BRD4: variants seen among roughly 807,000 people sequenced by gnomAD.
The protein encoded by BRD4 is bromodomain-containing protein 4.
In BRD4, 16 loss-of-function variants were observed where a neutral mutation model predicts 142.1. The observed-to-expected ratio is 0.11, with a 90% confidence interval of 0.08 to 0.17. The LOEUF is 0.17. Among genes scored for constraint, BRD4 ranks in the 10% least tolerant of loss-of-function variants. The probability of loss-of-function intolerance (pLI) is 1.00; values close to 1 mark genes in which losing one functional copy is unlikely to be tolerated. For missense variants in BRD4, 1,424 were observed against 1,810.9 expected (o/e 0.79, Z 3.88); for synonymous variants, 833 against 707.5 (o/e 1.18, Z -2.82).
At chr19:15,244,102 A>AT in intron 13 of BRD4, 129 bp downstream of exon 13, 10 of 1,501,372 alleles carry the variant, frequency 6.7e-6, no homozygotes, top group Admixed American at 2.2e-5. Context: ...TCGAGAAGCC[A>AT]CAGATCTTCC....
At chr19:15,289,290 G>A (rs1568399521) in intron 1 of BRD4, among the ~76,000 whole-genome samples, 2 of 152,180 alleles carry the variant, frequency 1.3e-5, no homozygotes, top group South Asian at 4.1e-4. Context: ...GGTGGCTCAC[G>A]CCTATAATCC....
At chr19:15,257,756 G>C (rs1260343406) in intron 7 of BRD4, among the ~76,000 whole-genome samples, 1 of 152,162 alleles carries the variant, frequency 6.6e-6, no homozygotes, top group Non-Finnish European at 1.5e-5. Flanking sequence ...AACCAAGCAG[G>C]GCTGCACCAC....
At chr19:15,302,452 C>T (rs1029887225) in intron 1 of BRD4, among the ~76,000 whole-genome samples, 1 of 151,862 alleles carries the variant, frequency 6.6e-6, no homozygotes, top group African/African-American at 2.4e-5. Context: ...CGGTGGCTCA[C>T]GAGGTCAACA....
rs916929419 is a variant in BRD4, at chr19:15,238,918, C to A, written c.3845G>T (p.Arg1282Leu). Reference sequence around the variant, plus strand: ...GCGCTGCTGCTGCTGCTGCTCCTGGCGCCGACGTGCCTCCTCATGGGCCCG... The same window carrying A: ...GCGCTGCTGCTGCTGCTGCTCCTGGAGCCGACGTGCCTCCTCATGGGCCCG... ...ARRAHEEARR[R>L]QEQQQQQRQE... The change falls in exon 19 of 20, where the codon CGC (arginine) becomes CTC (leucine). Residue 1282 changes from arginine (R) to leucine (L), a missense_variant. By Grantham distance (102) the Arg-to-Leu change is moderately radical. Around this residue, in one of 16 missense-constraint regions of BRD4, gnomAD observed 109 missense variants for 117.9 expected, o/e 0.92. Coordinates refer to ENST00000679869, the MANE Select transcript of BRD4 (RefSeq NM_001379291.1). This position sits in a 1 kb window ranked among gnomAD's most constrained non-coding sequence, Gnocchi z 7.2. 1.9e-6 allele frequency: 3 copies of A among 1,595,376 alleles called. No homozygotes were observed. Among genetic ancestry groups the A allele is most frequent in the Non-Finnish European group, 2.6e-6 (3 of 1,173,012 alleles).
rs534374230 is a variant in BRD4 at position 15,265,488 on chromosome 19, T to C, written c.715A>G (p.Met239Val). The C allele has an allele frequency of 5.0e-6, 8 of 1,610,696 alleles. No individual in the cohort carries two copies. Among genetic ancestry groups the C allele is most frequent in the Admixed American group, 1.7e-5 (1 of 59,804 alleles). The change falls in exon 5 of 20, where the codon ATG becomes GTG. Residue 239 changes from methionine to valine, a missense_variant. Met to Val is a conservative substitution (Grantham distance 21). Around this residue, in one of 16 missense-constraint regions of BRD4, gnomAD observed 140 missense variants for 131.7 expected, o/e 1.06. Transcript: ENST00000679869. ...TPDLIVQTPV[M>V]TVVPPQPLQT... ...AGTGGCTGGGGAGGCACCACTGTCATGACAGGGGTCTGGACGATGAGGTCC... is the reference window on the plus strand; with the variant it reads ...AGTGGCTGGGGAGGCACCACTGTCACGACAGGGGTCTGGACGATGAGGTCC...
chr19:15,330,410 G>C (rs192966425), intron 1 of BRD4, among the ~76,000 whole-genome samples: 139 of 152,258 alleles, frequency 9.1e-4, no homozygotes, highest in African/African-American at 3.2e-3. Context: ...ACGCATCAGT[G>C]ATAAGATAAA....
intron 1 of BRD4, among the ~76,000 whole-genome samples, chr19:15,300,748 C>T (rs993577102): frequency 6.6e-6 from 1 of 152,070 alleles, no homozygotes; most frequent in Non-Finnish European, 1.5e-5. Context: ...CTATGTGAAT[C>T]CACTGCTTCC....
Position 15,243,098 on chromosome 19 carries a change from G to T in BRD4, c.2971C>A (p.Gln991Lys). The change falls in exon 14 of 20, where the codon CAG becomes AAG. Residue 991 changes from glutamine (Q) to lysine (K), a missense_variant. Gln to Lys is a moderately conservative substitution (Grantham distance 53). Around this residue, in one of 16 missense-constraint regions of BRD4, gnomAD observed 598 missense variants for 647.8 expected, o/e 0.92. Transcript: ENST00000679869. ...AAGTGCACGGGCCGTGGAGGGGGCT[G>T]ATGCTGCTGCTGGGGTGGAGGCTGG... ...QPQPPPQQQH[Q>K]PPPRPVHLQP... 6.8e-7 allele frequency: 1 copy of T among 1,471,362 alleles called. No homozygotes were observed. Among genetic ancestry groups the T allele is most frequent in the African/African-American group, 1.4e-5 (1 of 70,112 alleles). The allele number at this position is 1,471,362 out of a possible 1,614,324, so 91.1% of individuals were successfully genotyped here.
intron 14 of BRD4, 88 bp downstream of exon 14, chr19:15,242,812 A>G: frequency 6.5e-7 from 1 of 1,534,866 alleles, no homozygotes; most frequent in Non-Finnish European, 8.8e-7. Context: ...TGCAGCCTGA[A>G]GCATGAGTTA....
At position 15,272,760 on chromosome 19, in the gene BRD4, C is replaced by T. The variant is rs564418652; in HGVS notation, c.285+55G>A. The T allele has an allele frequency of 2.7e-5, 41 of 1,533,168 alleles. No homozygotes were observed. The South Asian group carries it at 4.8e-4, about 18-fold the overall frequency. The allele number at this position is 1,533,168 out of a possible 1,614,324, so 95.0% of individuals were successfully genotyped here. A position where few individuals can be genotyped will look rare whatever the true frequency, so the allele number is the denominator to read the frequency against. On this transcript the variant is annotated intron_variant, in intron 2 of 19. Coordinates refer to ENST00000679869, the MANE Select transcript of BRD4 (RefSeq NM_001379291.1). Reference sequence around the variant, plus strand: ...CCCAGGAACTGCCCTGACCAGGAGACATGCAGGAGACGACCTCCAGGACGG... The same window carrying T: ...CCCAGGAACTGCCCTGACCAGGAGATATGCAGGAGACGACCTCCAGGACGG...
intron 1 of BRD4, chr19:15,331,748 C>A (rs1459725093): frequency 6.6e-6 from 1 of 151,390 alleles, no homozygotes; most frequent in Non-Finnish European, 1.5e-5. Flanking sequence ...CCGGCCCCGG[C>A]CCACGTGAGC....
chr19:15,243,698 T>G lies in BRD4; in HGVS notation c.2582-211A>C, dbSNP rs1041820353. Among the ~76,000 whole-genome samples, 4 of 152,144 alleles carry G rather than the reference T, an allele frequency of 2.6e-5. No individual in the cohort carries two copies. The South Asian group carries it at 8.3e-4, about 31-fold the overall frequency. Reference sequence around the variant, plus strand: ...GCTTTAGGGCGGTGTCATCCTGCCCTATGCTCTGTGTCCCCAGCTCCTGCT... The same window carrying G: ...GCTTTAGGGCGGTGTCATCCTGCCCGATGCTCTGTGTCCCCAGCTCCTGCT... On this transcript the variant is annotated intron_variant, in intron 13 of 19. Transcript: ENST00000679869.
chr19:15,247,176 C>T (rs1172441291), intron 11 of BRD4: 1 of 231,164 alleles, frequency 4.3e-6, no homozygotes, highest in Non-Finnish European at 8.6e-6. Flanking sequence ...AACACTGATT[C>T]CACCCACCCC....
chr19:15,244,843 CAG>C (rs2047271821), intron 11 of BRD4, 81 bp from the exon 12 acceptor site: 1 of 1,606,838 alleles, frequency 6.2e-7, no homozygotes, highest in Non-Finnish European at 8.5e-7. Context: ...GACGAGAAAA[CAG>C]GGCACTTTCA....
chr19:15,256,081 G>A lies in BRD4; in HGVS notation c.1734C>T (p.Ser578=). The change falls in exon 9 of 20, where the codon AGC becomes AGT. Residue 578 remains serine (S), a synonymous_variant. Coordinates refer to ENST00000679869, the MANE Select transcript of BRD4 (RefSeq NM_001379291.1). Reference sequence around the variant, plus strand: ...ACACAGACCTCACATTGCTGTTGCTGCTATTATTTTTCTTCGTCTTTTTAG... The same window carrying A: ...ACACAGACCTCACATTGCTGTTGCTACTATTATTTTTCTTCGTCTTTTTAG... ...PPPKKTKKNN[S]SNSNVSKKEP... is the part of the protein sequence containing the mutation. 6.2e-7 allele frequency: 1 copy of A among 1,611,686 alleles called. No homozygotes were observed. Among genetic ancestry groups the A allele is most frequent in the Non-Finnish European group, 8.5e-7 (1 of 1,179,856 alleles).
rs2047191672 is a variant in BRD4 at position 15,236,318 on chromosome 19, G to C, written c.*2059C>G. The C allele has an allele frequency of 6.6e-6, 1 of 152,226 alleles. No individual in the cohort carries two copies. The highest frequency in any genetic ancestry group is 2.4e-5 in the African/African-American group (1 of 41,436). 9.4% of individuals were successfully genotyped at this position (152,226 alleles called of 1,614,324 possible). On this transcript the variant is annotated 3_prime_UTR_variant, in exon 20 of 20. Coordinates refer to ENST00000679869, the MANE Select transcript of BRD4 (RefSeq NM_001379291.1). ...ACATACACAAGTGGACACACAGGCAGAGCAGCCACCTGTGGGCTTTCTTGG... is the reference window on the plus strand; with the variant it reads ...ACATACACAAGTGGACACACAGGCACAGCAGCCACCTGTGGGCTTTCTTGG...
At chr19:15,312,037 T>A (rs1038859400) in intron 1 of BRD4, among the ~76,000 whole-genome samples, 1 of 152,226 alleles carries the variant, frequency 6.6e-6, no homozygotes, top group African/African-American at 2.4e-5. Context: ...GTAAAATGGT[T>A]AGGATGTTGC....
At chr19:15,300,991 A>G (rs1048564560) in intron 1 of BRD4, among the ~76,000 whole-genome samples, 3 of 152,370 alleles carry the variant, frequency 2.0e-5, no homozygotes, top group African/African-American at 7.2e-5. Flanking sequence ...TAGCTTTAGC[A>G]GCTTCATTAA....
At chr19:15,264,072 G>A (rs1209367941) in intron 6 of BRD4, 3 of 282,920 alleles carry the variant, frequency 1.1e-5, no homozygotes, top group Non-Finnish European at 1.3e-5. Flanking sequence ...TGGCAAGGCC[G>A]CCAAGCCCCA....
Sources: allele counts gnomAD v4.1 joint callset (sites outside exome capture counted in the v4.1 genomes callset), GRCh38; gene constraint gnomAD v4.1.1; regional missense constraint gnomAD v4.1.1; non-coding constraint Gnocchi (gnomAD v3.1); transcripts MANE v1.5; gene names NCBI Gene and HGNC (gene_info 2026-07-23, HGNC 2026-07-21).